Variants in GOLM2 observed in about 807,000 individuals in gnomAD.
GOLM2 encodes protein GOLM2.
GOLM2 carries 26 observed loss-of-function variants against 55.9 expected under a neutral mutation model. The observed-to-expected ratio is 0.47, with a 90% CI of 0.34 to 0.65. The LOEUF (loss-of-function observed/expected upper bound fraction) is 0.65. GOLM2 is among the 30% of genes least tolerant of loss of function. GOLM2 has a pLI of 0.01. For synonymous variants in GOLM2, 165 were observed against 194.6 expected (o/e 0.85, Z 1.27); for missense variants, 486 against 531.8 (o/e 0.91, Z 0.85).
chr15:44,380,414 T>C (rs894712039), intron 7 of GOLM2, among the ~76,000 whole-genome samples: 3 of 152,146 alleles, frequency 2.0e-5, no homozygotes, highest in Admixed American at 2.0e-4. Flanking sequence ...ATAGTGAAGA[T>C]GACTTAGAGA....
chr15:44,374,755 G>A (rs992082727), intron 6 of GOLM2, among the ~76,000 whole-genome samples: 2 of 152,060 alleles, frequency 1.3e-5, no homozygotes, highest in African/African-American at 4.8e-5. Context: ...CAGCACTATG[G>A]GGATGGTGCT....
At chr15:44,361,027 C>G (rs937672954) in intron 6 of GOLM2, among the ~76,000 whole-genome samples, 7 of 150,630 alleles carry the variant, frequency 4.6e-5, no homozygotes, top group African/African-American at 1.7e-4. Context: ...CACAACATAC[C>G]AGAATCTCTG....
intron 6 of GOLM2, among the ~76,000 whole-genome samples, chr15:44,369,192 GTATA>G (rs200553691): frequency 8.5e-6 from 1 of 117,534 alleles, no homozygotes; most frequent in African/African-American, 3.7e-5. Context: ...ATATGTGTGT[GTATA>G]TATATATATA....
chr15:44,412,449 G>C lies in GOLM2; in HGVS notation c.1241-887G>C, dbSNP rs371107115. 2.6e-5 allele frequency among the ~76,000 whole-genome samples: 4 copies of C among 152,176 alleles called. No individual in the cohort carries two copies. The South Asian group carries it at 8.3e-4, about 32-fold the overall frequency. On this transcript the variant is annotated intron_variant, in intron 9 of 9. Coordinates refer to ENST00000299957, the MANE Select transcript of GOLM2 (RefSeq NM_138423.4). ...TTTTTTTCTGTTTAGTTAAGAAAAG[G>C]TTAAACTTTGGTTGTTATACCCCAT...
intron 1 of GOLM2, among the ~76,000 whole-genome samples, chr15:44,301,200 C>T (rs1418812503): frequency 6.6e-6 from 1 of 152,188 alleles, no homozygotes; most frequent in African/African-American, 2.4e-5. Context: ...CCCGCCTCAG[C>T]ATCTCAAAGT....
intron 9 of GOLM2, among the ~76,000 whole-genome samples, chr15:44,410,299 G>T (rs1466711870): frequency 6.6e-6 from 1 of 152,054 alleles, no homozygotes; most frequent in African/African-American, 2.4e-5. Context: ...AAATTAGCTG[G>T]GCGTGGTGGC....
At chr15:44,360,670 C>T (rs1223878176) in intron 6 of GOLM2, among the ~76,000 whole-genome samples, 1 of 152,026 alleles carries the variant, frequency 6.6e-6, no homozygotes, top group African/African-American at 2.4e-5. Context: ...CAAGGATACC[C>T]AGGAATTGAA....
intron 1 of GOLM2, among the ~76,000 whole-genome samples, chr15:44,298,408 C>T (rs1419885140): frequency 6.6e-6 from 1 of 151,030 alleles, no homozygotes; most frequent in Non-Finnish European, 1.5e-5. Context: ...GGATTATAGG[C>T]ACCCACCACC....
chr15:44,355,858 C>T (rs1317294189), intron 6 of GOLM2, among the ~76,000 whole-genome samples: 2 of 151,944 alleles, frequency 1.3e-5, no homozygotes, highest in Non-Finnish European at 2.9e-5. Flanking sequence ...CTAGAGAGCC[C>T]CCACCTTGTC....
At chr15:44,389,759 A>G (rs527826694) in intron 8 of GOLM2, among the ~76,000 whole-genome samples, 1 of 152,244 alleles carries the variant, frequency 6.6e-6, no homozygotes, top group African/African-American at 2.4e-5. Flanking sequence ...ATAGCTCACT[A>G]CAACCTTGAC....
intron 2 of GOLM2, among the ~76,000 whole-genome samples, chr15:44,326,313 A>AAGATAATG (rs1435682486): frequency 6.6e-6 from 1 of 151,430 alleles, no homozygotes; most frequent in Non-Finnish European, 1.5e-5. Context: ...TGAATATGCA[A>AAGATAATG]AGATAATGAT....
rs1245073986 is a variant in GOLM2, at chr15:44,328,736, A to G, written c.434A>G (p.Gln145Arg). ...QEFLRQEDQL[Q>R]DYRKNNTYLV... is the part of the protein sequence containing the mutation. ...TTTCTTCGACAAGAAGACCAGCTTC[A>G]GGACTATAGGAAGAACAATACTTAC... Residue 145 changes from glutamine to arginine, a missense_variant, in exon 3 of 10, where the codon CAG becomes CGG. By Grantham distance (43) the Gln-to-Arg change is conservative (BLOSUM62 1). Coordinates refer to ENST00000299957, the MANE Select transcript of GOLM2 (RefSeq NM_138423.4). 22 of 1,613,126 alleles carry G rather than the reference A, an allele frequency of 1.4e-5. No individual in the cohort carries two copies. Among genetic ancestry groups the G allele is most frequent in the African/African-American group, 2.7e-5 (2 of 74,876 alleles).
chr15:44,325,517 T>C (rs2078975299), intron 2 of GOLM2, among the ~76,000 whole-genome samples: 1 of 152,234 alleles, frequency 6.6e-6, no homozygotes, highest in African/African-American at 2.4e-5. Flanking sequence ...TCAGGTATTT[T>C]ACAGCATAGC....
intron 2 of GOLM2, among the ~76,000 whole-genome samples, chr15:44,325,138 G>A (rs186217326): frequency 9.2e-5 from 14 of 152,216 alleles, no homozygotes; most frequent in Admixed American, 3.3e-4. Flanking sequence ...CAGGTATTAA[G>A]CCTAGTATCC....
intron 6 of GOLM2, among the ~76,000 whole-genome samples, chr15:44,352,906 C>CA (rs1243759883): frequency 0.04 from 4,115 of 102,444 alleles, 176 homozygotes; most frequent in African/African-American, 0.12. Context: ...AACTCCATCT[C>CA]AAAAAAAAAA....
At chr15:44,373,618 G>A (rs2079344908) in intron 6 of GOLM2, among the ~76,000 whole-genome samples, 1 of 151,888 alleles carries the variant, frequency 6.6e-6, no homozygotes, top group Non-Finnish European at 1.5e-5. Context: ...GCCGGGCGCG[G>A]TGGCGGGCGC....
chr15:44,377,425 C>T (rs757609095), intron 6 of GOLM2, among the ~76,000 whole-genome samples: 31 of 152,272 alleles, frequency 2.0e-4, no homozygotes, highest in Non-Finnish European at 3.2e-4. Flanking sequence ...GGCTGGAGTG[C>T]AGTGCCGCGG....
intron 6 of GOLM2, among the ~76,000 whole-genome samples, chr15:44,346,484 A>T (rs1052506794): frequency 2.6e-5 from 4 of 152,324 alleles, no homozygotes; most frequent in Admixed American, 1.3e-4. Context: ...TACTGTATTA[A>T]TGCAGTAGCC....
At chr15:44,412,961 C>A (rs1166556018) in intron 9 of GOLM2, among the ~76,000 whole-genome samples, 1 of 151,568 alleles carries the variant, frequency 6.6e-6, no homozygotes, top group East Asian at 1.9e-4. Context: ...CAAGATCGCA[C>A]CACTGCACTC....
Sources: gnomAD v4.1 joint callset for allele counts (sites outside exome capture counted in the v4.1 genomes callset) on GRCh38, gnomAD v4.1.1 for gene constraint, MANE v1.5 for transcripts, NCBI Gene and HGNC (gene_info 2026-07-23, HGNC 2026-07-21) for gene names.